The following IRF2 variants were observed in gnomAD, a reference collection of about 807,000 sequenced individuals.
The protein encoded by IRF2 is interferon regulatory factor 2.
In IRF2, 15 loss-of-function variants were observed where a neutral mutation model predicts 40.6. The ratio of observed to expected loss-of-function variants is 0.37; its 90% CI spans 0.25 to 0.57. IRF2 has a LOEUF of 0.57. Among genes scored for constraint, IRF2 ranks in the 20% least tolerant of loss-of-function variants. IRF2 has a pLI of 0.77. For synonymous variants in IRF2, 151 were observed against 165.5 expected, an observed-to-expected ratio of 0.91 and a Z score of 0.67; for missense variants, 317 against 455.7, an observed-to-expected ratio of 0.70 and a Z score of 2.77.
intron 1 of IRF2, among the ~76,000 whole-genome samples, chr4:184,470,984 T>C (rs74406620): frequency 7.1e-4 from 101 of 141,862 alleles, no homozygotes; most frequent in Non-Finnish European, 1.4e-3. Flanking sequence ...ATTTTTTTGA[T>C]ACTTTATATA....
intron 1 of IRF2, among the ~76,000 whole-genome samples, chr4:184,439,839 ATG>A (rs1738235863): frequency 6.6e-6 from 1 of 152,080 alleles, no homozygotes; most frequent in Non-Finnish European, 1.5e-5. Flanking sequence ...TGGGGCCCCT[ATG>A]TGTGTGTGCA....
At chr4:184,406,075 G>C (rs1043373878) in intron 6 of IRF2, among the ~76,000 whole-genome samples, 1 of 152,028 alleles carries the variant, frequency 6.6e-6, no homozygotes, top group African/African-American at 2.4e-5. Context: ...GCATTCTAGG[G>C]GTGTGGATAA....
At chr4:184,393,052 A>G (rs1470709553) in intron 7 of IRF2, among the ~76,000 whole-genome samples, 1 of 152,148 alleles carries the variant, frequency 6.6e-6, no homozygotes, top group Non-Finnish European at 1.5e-5. Context: ...AGAAAAAGAA[A>G]ATTCCCCTCC....
chr4:184,407,007 A>C (rs190147717), intron 6 of IRF2, among the ~76,000 whole-genome samples: 1 of 152,198 alleles, frequency 6.6e-6, no homozygotes, highest in East Asian at 1.9e-4. Context: ...TAATGAATAG[A>C]CTCTCTGGTT....
intron 1 of IRF2, among the ~76,000 whole-genome samples, chr4:184,436,309 T>C (rs781223075): frequency 6.6e-5 from 10 of 152,130 alleles, no homozygotes; most frequent in South Asian, 2.1e-4. Context: ...AGTCACCCAA[T>C]GGATCAGCAA....
chr4:184,423,651 T>G (rs1363936130), intron 2 of IRF2, among the ~76,000 whole-genome samples: 1 of 152,150 alleles, frequency 6.6e-6, no homozygotes, highest in East Asian at 1.9e-4. Flanking sequence ...GGGGGTCACA[T>G]GGAGCCACGA....
At chr4:184,470,720 G>C (rs1288643777) in intron 1 of IRF2, among the ~76,000 whole-genome samples, 1 of 151,588 alleles carries the variant, frequency 6.6e-6, no homozygotes, top group African/African-American at 2.4e-5. Flanking sequence ...GAAAAAAAAG[G>C]TGGTAAAAGC....
At chr4:184,462,312 A>G (rs1211531968) in intron 1 of IRF2, among the ~76,000 whole-genome samples, 1 of 152,322 alleles carries the variant, frequency 6.6e-6, no homozygotes, top group South Asian at 2.1e-4. Context: ...CCCTGCTAAC[A>G]TGATTCCATG....
Position 184,473,106 on chromosome 4 carries a change from C to T in IRF2, c.-7+1273G>A, listed in dbSNP as rs896571360. Among the ~76,000 whole-genome samples, 3 of 151,986 alleles carry T rather than the reference C, an allele frequency of 2.0e-5. No homozygotes were observed. In the South Asian group the frequency reaches 6.2e-4, roughly 31 times the overall value. On this transcript the variant is annotated intron_variant, in intron 1 of 8. Coordinates refer to ENST00000393593, the MANE Select transcript of IRF2 (RefSeq NM_002199.4). ...GCGATTGGCCGCGGCCGGCTTCACT[C>T]GGTGGGCGAGCCCTACCGGCGAGGC...
intron 1 of IRF2, among the ~76,000 whole-genome samples, chr4:184,455,672 A>C (rs1579108427): frequency 6.6e-6 from 1 of 152,278 alleles, no homozygotes. Context: ...AAGGCGGATG[A>C]TATTAACTAT....
chr4:184,398,777 A>T, intron 7 of IRF2, 138 bp downstream of exon 7: 1 of 629,374 alleles, frequency 1.6e-6, no homozygotes, highest in Non-Finnish European at 2.5e-6. Flanking sequence ...CAAGATAATT[A>T]AAGTATGAAA....
At chr4:184,390,528 C>G (rs1271186979) in intron 8 of IRF2, among the ~76,000 whole-genome samples, 175 bp downstream of exon 8, 3 of 152,190 alleles carry the variant, frequency 2.0e-5, no homozygotes, top group African/African-American at 7.2e-5. Flanking sequence ...AATTTTATAA[C>G]CCCAAACCCA....
At chr4:184,457,080 T>A (rs1326688781) in intron 1 of IRF2, among the ~76,000 whole-genome samples, 2 of 152,180 alleles carry the variant, frequency 1.3e-5, no homozygotes, top group Non-Finnish European at 2.9e-5. Context: ...GGTTAACACA[T>A]GATACAGGTG....
At chr4:184,390,128 C>T (rs770369637) in intron 8 of IRF2, among the ~76,000 whole-genome samples, 38 of 152,186 alleles carry the variant, frequency 2.5e-4, no homozygotes, top group Admixed American at 1.3e-3. Flanking sequence ...TTCACTCAAG[C>T]GCAGACCCCC....
intron 7 of IRF2, 118 bp downstream of exon 7, chr4:184,398,797 G>A (rs2149893052): frequency 1.2e-6 from 1 of 817,216 alleles, no homozygotes; most frequent in Non-Finnish European, 1.8e-6. Flanking sequence ...AAACTCCAGG[G>A]AGAATAACTC....
Position 184,388,840 on chromosome 4 carries a change from C to T in IRF2, c.968G>A (p.Ser323Asn), listed in dbSNP as rs755037314. 1.2e-6 allele frequency: 2 copies of T among 1,614,080 alleles called. No individual in the cohort carries two copies. The change falls in exon 9 of 9, where the codon AGC becomes AAC. Residue 323 changes from serine (S) to asparagine (N), a missense_variant. Transcript: ENST00000393593. This position sits in a 1 kb window ranked among gnomAD's most constrained non-coding sequence, Gnocchi z 4.6. ...CCGGGTCTCCCGGTCTGGCCGACTG[C>T]TGCTGGATGCTGGGGTCATGGAGGA... is the stretch of plus-strand genomic sequence containing the variant. ...LSSSMTPASS[S>N]SRPDRETRAS...
chr4:184,407,305 AAGG>A (rs1401736820), intron 6 of IRF2: 2 of 1,239,464 alleles, frequency 1.6e-6, no homozygotes, highest in Non-Finnish European at 2.1e-6. Flanking sequence ...TAAAAATAAA[AAGG>A]AGTTTTTTCT....
chr4:184,470,937 GA>G (rs912777850), intron 1 of IRF2, among the ~76,000 whole-genome samples: 7 of 152,096 alleles, frequency 4.6e-5, no homozygotes, highest in East Asian at 1.9e-4. Flanking sequence ...CTTCTGACAG[GA>G]AAAAATTCAC....
In IRF2 at chr4:184,447,166, G is replaced by A. The variant is rs34129928; in HGVS notation, c.-6-18096C>T. Among the ~76,000 whole-genome samples the A allele has an allele frequency of 8.8e-3, 1,337 of 152,178 alleles. 8 individuals carry two copies. The highest frequency in any genetic ancestry group is 0.015 in the Non-Finnish European group (1,000 of 68,006). ...TGGCTGACTCCAGAGCTGGGGCAGG[G>A]AAAGCAAAAGATAAGCCTGGGAAAG... On this transcript the variant is annotated intron_variant, in intron 1 of 8. Coordinates refer to ENST00000393593, the MANE Select transcript of IRF2 (RefSeq NM_002199.4).
Sources: allele counts gnomAD v4.1 joint callset (sites outside exome capture counted in the v4.1 genomes callset), GRCh38; gene constraint gnomAD v4.1.1; non-coding constraint Gnocchi (gnomAD v3.1); transcripts MANE v1.5; gene names NCBI Gene and HGNC (gene_info 2026-07-23, HGNC 2026-07-21).